FHIT: variants seen among roughly 807,000 people sequenced by gnomAD.
FHIT encodes the protein bis(5'-adenosyl)-triphosphatase.
A neutral mutation model predicts 17.9 loss-of-function variants in FHIT; 19 were observed. That is an observed-to-expected ratio of 1.06 (90% CI 0.74 to 1.56). FHIT has a LOEUF of 1.56. Ranked by LOEUF, FHIT falls within the 40% of genes most tolerant of loss-of-function variation. The pLI is 0.00. For synonymous variants in FHIT, 81 were observed against 69.7 expected (o/e 1.16, Z -0.81); for missense variants, 248 against 189.2 (o/e 1.31, Z -1.82).
chr3:60,281,412 A>C (rs746231259), intron 5 of FHIT, among the ~76,000 whole-genome samples: 5 of 152,166 alleles, frequency 3.3e-5, no homozygotes, highest in African/African-American at 7.2e-5. Flanking sequence ...TGAAGGAGTG[A>C]TACTACTCAA....
chr3:60,329,954 A>G (rs1390046826), intron 5 of FHIT, among the ~76,000 whole-genome samples: 3 of 152,252 alleles, frequency 2.0e-5, no homozygotes, highest in Non-Finnish European at 4.4e-5. Flanking sequence ...AGGAAAGACA[A>G]AACCATTTTA....
chr3:60,262,207 A>T (rs4679650), intron 5 of FHIT, among the ~76,000 whole-genome samples: 38,841 of 151,982 alleles, frequency 0.26, 5,717 homozygotes, highest in East Asian at 0.7. Flanking sequence ...TGAAGATCCA[A>T]AGAATGTCAA....
intron 8 of FHIT, among the ~76,000 whole-genome samples, chr3:59,834,205 C>G (rs984830106): frequency 2.0e-5 from 3 of 152,136 alleles, no homozygotes; most frequent in Non-Finnish European, 4.4e-5. Flanking sequence ...TGTTCATTTA[C>G]TTTAGGTGAT....
chr3:59,816,273 G>C (rs1281571711), intron 8 of FHIT, among the ~76,000 whole-genome samples: 1 of 152,142 alleles, frequency 6.6e-6, no homozygotes, highest in Non-Finnish European at 1.5e-5. Context: ...GTGACACCTG[G>C]CACACAGTGT....
intron 2 of FHIT, among the ~76,000 whole-genome samples, chr3:61,095,764 C>A (rs889577763): frequency 6.6e-6 from 1 of 152,248 alleles, no homozygotes; most frequent in Non-Finnish European, 1.5e-5. Context: ...CTCATGACAC[C>A]TGTCCCCTCT....
chr3:60,671,114 T>G (rs1226224277), intron 4 of FHIT, among the ~76,000 whole-genome samples: 1 of 152,180 alleles, frequency 6.6e-6, no homozygotes, highest in African/African-American at 2.4e-5. Context: ...TCACTCAGTG[T>G]CTTCAAGGAA....
At chr3:60,279,820 A>G (rs1397697218) in intron 5 of FHIT, among the ~76,000 whole-genome samples, 1 of 152,090 alleles carries the variant, frequency 6.6e-6, no homozygotes, top group East Asian at 1.9e-4. Context: ...TCAGGAGGTC[A>G]GGAGATCAAG....
At chr3:60,277,390 A>G (rs1390537656) in intron 5 of FHIT, among the ~76,000 whole-genome samples, 1 of 152,212 alleles carries the variant, frequency 6.6e-6, no homozygotes, top group East Asian at 1.9e-4. Context: ...GCAGACCCAG[A>G]CAAGCAAGCT....
At chr3:61,208,348 G>C (rs1315753986) in intron 1 of FHIT, among the ~76,000 whole-genome samples, 1 of 152,092 alleles carries the variant, frequency 6.6e-6, no homozygotes, top group Non-Finnish European at 1.5e-5. Context: ...GTGCAGAGCT[G>C]AGTTCAATTC....
chr3:60,321,993 A>G (rs1266342895), intron 5 of FHIT, among the ~76,000 whole-genome samples: 2 of 152,246 alleles, frequency 1.3e-5, no homozygotes, highest in African/African-American at 4.8e-5. Flanking sequence ...GTTCCAACAT[A>G]TAACTTTTGG....
In FHIT at chr3:61,106,817, C is replaced by A. The variant is rs371232359; in HGVS notation, c.-163-64718G>T. On this transcript the variant is annotated intron_variant, in intron 2 of 9. Transcript: ENST00000492590. ...CTGGGACTACCGGCATGAGCCACCACGCCTGGCTAATTTTTGTATTTTTAG... is the reference window on the plus strand; with the variant it reads ...CTGGGACTACCGGCATGAGCCACCAAGCCTGGCTAATTTTTGTATTTTTAG... 5.4e-4 allele frequency among the ~76,000 whole-genome samples: 82 copies of A among 152,216 alleles called. No homozygotes were observed. In the Middle Eastern group the frequency reaches 0.01, roughly 19 times the overall value.
intron 3 of FHIT, among the ~76,000 whole-genome samples, chr3:60,929,992 G>T (rs1420411737): frequency 6.6e-6 from 1 of 152,136 alleles, no homozygotes; most frequent in African/African-American, 2.4e-5. Flanking sequence ...AATCAAAACA[G>T]CATGGTACTG....
At chr3:60,852,344 A>G (rs782078615) in intron 3 of FHIT, among the ~76,000 whole-genome samples, 2 of 152,096 alleles carry the variant, frequency 1.3e-5, no homozygotes, top group Non-Finnish European at 2.9e-5. Flanking sequence ...GCCAGCCTCC[A>G]TAGTCACAAG....
chr3:60,023,285 T>G (rs1455506517), intron 5 of FHIT, among the ~76,000 whole-genome samples: 1 of 152,350 alleles, frequency 6.6e-6, no homozygotes, highest in East Asian at 1.9e-4. Flanking sequence ...AATCTGCAAT[T>G]CATTGCAGAT....
chr3:60,504,307 G>A lies in FHIT; in HGVS notation c.103+32553C>T, dbSNP rs1476603459. On this transcript the variant is annotated intron_variant, in intron 5 of 9. Coordinates refer to ENST00000492590, the MANE Select transcript of FHIT (RefSeq NM_002012.4). ...AAATTAGCTGGGCATGGTGGCACGC[G>A]CCTGTAATCCCAGCTACTCGGGAGG... 9.9e-5 allele frequency among the ~76,000 whole-genome samples: 15 copies of A among 152,056 alleles called. No individual in the cohort carries two copies. In the East Asian group the frequency reaches 2.3e-3, roughly 24 times the overall value.
intron 5 of FHIT, among the ~76,000 whole-genome samples, chr3:60,412,908 C>T (rs1234281779): frequency 1.3e-5 from 2 of 152,154 alleles, no homozygotes; most frequent in Admixed American, 6.5e-5. Flanking sequence ...CCTGTTTGCA[C>T]ATGCTTTCTC....
In FHIT at chr3:60,280,773, G is replaced by A. The variant is rs146528149; in HGVS notation, c.103+256087C>T. ...GATATAGCAAGCTACTGAGAACAAG[G>A]CAAGATTTTCCCCTGTTAATACTCC... On this transcript the variant is annotated intron_variant, in intron 5 of 9. Coordinates refer to ENST00000492590, the MANE Select transcript of FHIT (RefSeq NM_002012.4). Among the ~76,000 whole-genome samples the A allele has an allele frequency of 5.7e-3, 875 of 152,188 alleles. 6 individuals are homozygous for A. The highest frequency in any genetic ancestry group is 0.01 in the Middle Eastern group (3 of 292).
At chr3:59,754,288 C>T (rs1701085755) in intron 8 of FHIT, among the ~76,000 whole-genome samples, 1 of 152,144 alleles carries the variant, frequency 6.6e-6, no homozygotes, top group African/African-American at 2.4e-5. Context: ...TGGATCTTCC[C>T]TTCAGAATTT....
At chr3:61,187,472 A>C (rs1023028282) in intron 2 of FHIT, among the ~76,000 whole-genome samples, 2 of 152,188 alleles carry the variant, frequency 1.3e-5, no homozygotes, top group Non-Finnish European at 2.9e-5. Flanking sequence ...ACTCCCACAC[A>C]ATAATAATGG....
Sources: gnomAD v4.1 joint callset for allele counts (sites outside exome capture counted in the v4.1 genomes callset) on GRCh38, gnomAD v4.1.1 for gene constraint, MANE v1.5 for transcripts, NCBI Gene and HGNC (gene_info 2026-07-23, HGNC 2026-07-21) for gene names.